WWOX: variants seen among roughly 807,000 people sequenced by gnomAD.
The protein encoded by WWOX is WW domain-containing oxidoreductase.
A neutral mutation model predicts 46.2 loss-of-function variants in WWOX; 69 were observed. The ratio of observed to expected loss-of-function variants is 1.49; its 90% CI spans 1.23 to 1.82. The LOEUF is 1.82. WWOX is among the 40% of genes most tolerant of loss of function. The pLI is 0.00. For missense variants in WWOX, 919 were observed against 542.6 expected, an observed-to-expected ratio of 1.69 and a Z score of -6.89; for synonymous variants, 359 against 202.6, an observed-to-expected ratio of 1.77 and a Z score of -6.56.
intron 8 of WWOX, among the ~76,000 whole-genome samples, chr16:79,144,666 C>G (rs945470060): frequency 6.6e-6 from 1 of 152,030 alleles, no homozygotes; most frequent in African/African-American, 2.4e-5. Context: ...TAAGTTCGTT[C>G]ATATCTCTCT....
intron 8 of WWOX, among the ~76,000 whole-genome samples, chr16:78,981,324 TG>T (rs199846748): frequency 9.4e-5 from 14 of 149,100 alleles, no homozygotes; most frequent in African/African-American, 1.7e-4. Context: ...AAATGCTGGG[TG>T]GGGGGGGAAA....
intron 4 of WWOX, among the ~76,000 whole-genome samples, chr16:78,151,529 GCTCCTCCTTA>G (rs1442835533): frequency 6.6e-6 from 1 of 152,168 alleles, no homozygotes; most frequent in Non-Finnish European, 1.5e-5. Flanking sequence ...ACTCTGAAGT[GCTCCTCCTTA>G]CCTGGACATT....
chr16:78,794,027 A>G (rs2050676095), intron 8 of WWOX, among the ~76,000 whole-genome samples: 1 of 152,232 alleles, frequency 6.6e-6, no homozygotes, highest in South Asian at 2.1e-4. Flanking sequence ...AGCAGGCTAG[A>G]TTCAAATCCT....
chr16:78,632,009 A>AT (rs1383619460), intron 8 of WWOX, among the ~76,000 whole-genome samples: 2 of 144,776 alleles, frequency 1.4e-5, no homozygotes, highest in African/African-American at 5.6e-5. Flanking sequence ...TGACAACCTG[A>AT]TTTCAGACCT....
At chr16:78,679,492 A>G (rs2047680071) in intron 8 of WWOX, among the ~76,000 whole-genome samples, 1 of 152,180 alleles carries the variant, frequency 6.6e-6, no homozygotes, top group South Asian at 2.1e-4. Flanking sequence ...CAGAGGTTGC[A>G]GTGAGCCAAA....
chr16:78,408,305 CCTT>C (rs1226485853), intron 6 of WWOX, among the ~76,000 whole-genome samples: 2 of 152,168 alleles, frequency 1.3e-5, no homozygotes, highest in East Asian at 1.9e-4. Context: ...TTCACTTTAA[CCTT>C]CTGTGCATGC....
At chr16:78,605,912 T>A (rs1252848780) in intron 8 of WWOX, among the ~76,000 whole-genome samples, 1 of 152,230 alleles carries the variant, frequency 6.6e-6, no homozygotes, top group Non-Finnish European at 1.5e-5. Context: ...ACCTCTTGCA[T>A]GGAGCAAGAA....
At chr16:78,156,213 T>C in intron 4 of WWOX, among the ~76,000 whole-genome samples, 1 of 152,062 alleles carries the variant, frequency 6.6e-6, no homozygotes, top group East Asian at 1.9e-4. Flanking sequence ...AGCCTGTTGC[T>C]GCTGTCTTGT....
rs111615258 is a variant in WWOX at position 78,186,683 on chromosome 16, T to C, written c.516+22394T>C. Among the ~76,000 whole-genome samples the C allele has an allele frequency of 5.2e-3, 786 of 152,288 alleles. 8 individuals are homozygous for C. The highest frequency in any genetic ancestry group is 0.018 in the African/African-American group (751 of 41,548). ...AGGAGGCTGAGGCAGGAGAATTGCT[T>C]GAACTTGGGAGGCAGAGGTTGCAGT... On this transcript the variant is annotated intron_variant, in intron 5 of 8. Coordinates refer to ENST00000566780, the MANE Select transcript of WWOX (RefSeq NM_016373.4).
At chr16:79,149,013 A>C (rs1170032961) in intron 8 of WWOX, among the ~76,000 whole-genome samples, 1 of 152,064 alleles carries the variant, frequency 6.6e-6, no homozygotes, top group Non-Finnish European at 1.5e-5. Flanking sequence ...TTCCTTTATA[A>C]TATGTGTGCC....
chr16:78,928,441 A>G (rs942170795), intron 8 of WWOX, among the ~76,000 whole-genome samples: 1 of 151,912 alleles, frequency 6.6e-6, no homozygotes, highest in African/African-American at 2.4e-5. Context: ...TGACCTCGTG[A>G]TCTGCCCGCC....
At chr16:78,333,882 C>A (rs1484033929) in intron 5 of WWOX, among the ~76,000 whole-genome samples, 1 of 152,130 alleles carries the variant, frequency 6.6e-6, no homozygotes, top group African/African-American at 2.4e-5. Context: ...AAACACAGAA[C>A]AACACAGTGA....
chr16:78,112,613 T>G (rs2032554393), intron 3 of WWOX, among the ~76,000 whole-genome samples: 1 of 152,154 alleles, frequency 6.6e-6, no homozygotes, highest in Non-Finnish European at 1.5e-5. Context: ...TTGTGAAAGT[T>G]TTTTTTCCTC....
At chr16:79,014,052 G>T (rs1262886095) in intron 8 of WWOX, among the ~76,000 whole-genome samples, 1 of 152,210 alleles carries the variant, frequency 6.6e-6, no homozygotes, top group Non-Finnish European at 1.5e-5. Flanking sequence ...GTCAATTCCT[G>T]AGAGCCGCTG....
chr16:78,808,806 C>G (rs1201032208), intron 8 of WWOX, among the ~76,000 whole-genome samples: 2 of 152,126 alleles, frequency 1.3e-5, no homozygotes, highest in East Asian at 3.9e-4. Context: ...TGACCACTAG[C>G]CTAAACTGCT....
At chr16:79,191,248 GT>G (rs980055614) in intron 8 of WWOX, among the ~76,000 whole-genome samples, 2 of 151,752 alleles carry the variant, frequency 1.3e-5, no homozygotes, top group African/African-American at 4.8e-5. Flanking sequence ...CAGAGACAGG[GT>G]TTCACCGTGT....
At chr16:78,313,375 T>C (rs1196172864) in intron 5 of WWOX, among the ~76,000 whole-genome samples, 2 of 152,352 alleles carry the variant, frequency 1.3e-5, no homozygotes, top group African/African-American at 4.8e-5. Flanking sequence ...TTTTCTTTTT[T>C]CTTTTTTTGA....
chr16:78,583,893 G>A (rs1348410200), intron 8 of WWOX, among the ~76,000 whole-genome samples: 1 of 152,138 alleles, frequency 6.6e-6, no homozygotes, highest in East Asian at 1.9e-4. Flanking sequence ...TACCTGTTTG[G>A]GGGAATATTT....
At chr16:78,907,471 C>A (rs2044996368) in intron 8 of WWOX, among the ~76,000 whole-genome samples, 1 of 152,128 alleles carries the variant, frequency 6.6e-6, no homozygotes, top group Admixed American at 6.5e-5. Context: ...TGGTCTTTTG[C>A]TAGCTTTACA....
Sources: gnomAD v4.1 joint callset for allele counts (sites outside exome capture counted in the v4.1 genomes callset) on GRCh38, gnomAD v4.1.1 for gene constraint, MANE v1.5 for transcripts, NCBI Gene and HGNC (gene_info 2026-07-23, HGNC 2026-07-21) for gene names.